CHD9: variants seen among roughly 807,000 people sequenced by gnomAD.
CHD9 encodes the protein ATP-dependent chromatin remodeler CHD9.
CHD9 carries 77 observed loss-of-function variants against 316.1 expected under a neutral mutation model. That is an observed-to-expected ratio of 0.24 (90% confidence interval 0.20 to 0.29). The LOEUF is 0.29. Ranked by LOEUF, CHD9 falls within the 10% of genes least tolerant of loss-of-function variation. The probability of loss-of-function intolerance (pLI) is 1.00; values close to 1 mark genes in which losing one functional copy is unlikely to be tolerated. For synonymous variants in CHD9, 1,129 were observed against 1,158.3 expected, an observed-to-expected ratio of 0.97 and a Z score of 0.51; for missense variants, 2,763 against 3,438.1, an observed-to-expected ratio of 0.80 and a Z score of 4.91.
At chr16:53,064,989 G>A (rs776951821) in intron 1 of CHD9, among the ~76,000 whole-genome samples, 2 of 151,648 alleles carry the variant, frequency 1.3e-5, no homozygotes, top group Non-Finnish European at 2.9e-5. Context: ...AAGAGAGAGA[G>A]AGAGAGAAAG....
intron 1 of CHD9, among the ~76,000 whole-genome samples, chr16:53,148,848 G>T (rs1340293281): frequency 6.6e-6 from 1 of 152,108 alleles, no homozygotes; most frequent in Non-Finnish European, 1.5e-5. Flanking sequence ...TTCCTTAGGG[G>T]TACAATTAGG....
At chr16:53,294,398 T>C (rs2054608257) in intron 29 of CHD9, among the ~76,000 whole-genome samples, 2 of 152,244 alleles carry the variant, frequency 1.3e-5, no homozygotes, top group Admixed American at 1.3e-4. Flanking sequence ...ACTGTTTTTG[T>C]TATCTATTGT....
At chr16:53,148,890 AGTT>A (rs1352907092) in intron 1 of CHD9, among the ~76,000 whole-genome samples, 1 of 152,220 alleles carries the variant, frequency 6.6e-6, no homozygotes, top group Non-Finnish European at 1.5e-5. Flanking sequence ...TTAAAAATGT[AGTT>A]GTTCACAGGT....
In CHD9 at chr16:53,314,864, A is replaced by T. The variant is rs1331474681; in HGVS notation, c.7404A>T (p.Ile2468=). Residue 2468 remains isoleucine, a synonymous_variant, in exon 36 of 39, where the codon ATA becomes ATT. Transcript: ENST00000447540. ...GLTSSQISTG[I]NPALSYTQPQ... ...CCTCCTCACAGATTTCCACAGGGAT[A>T]AATCCAGCACTATCCTATACTCAAC... The T allele has an allele frequency of 1.2e-6, 2 of 1,613,638 alleles. No homozygotes were observed. Among genetic ancestry groups the T allele is most frequent in the East Asian group, 4.5e-5 (2 of 44,864 alleles).
Position 53,267,926 on chromosome 16 carries a change from G to T in CHD9, c.4518-1G>T. 6.2e-7 allele frequency: 1 copy of T among 1,612,916 alleles called. No homozygotes were observed. The highest frequency in any genetic ancestry group is 8.5e-7 in the Non-Finnish European group (1 of 1,179,230). The stretch of plus-strand genomic sequence containing the variant: ...AATGTAACTATACCTTTTTTAACCA[G>T]GTGGGGCCGATGGAGAGAGATTCTA... On this transcript the variant is annotated splice_acceptor_variant, in intron 21 of 38. Transcript: ENST00000447540. LOFTEE classifies it high-confidence loss of function.
At chr16:53,305,431 A>G (rs911953598) in intron 31 of CHD9, among the ~76,000 whole-genome samples, 1 of 152,246 alleles carries the variant, frequency 6.6e-6, no homozygotes, top group East Asian at 1.9e-4. Context: ...AGTTACTGAT[A>G]CAAATTCCCT....
chr16:53,072,595 C>G (rs1007497292), intron 1 of CHD9, among the ~76,000 whole-genome samples: 6 of 151,924 alleles, frequency 3.9e-5, no homozygotes, highest in East Asian at 1.9e-4. Context: ...TGCCTGGTCT[C>G]GAACTCCTGG....
At chr16:53,228,084 CA>C (rs903752891) in intron 7 of CHD9, among the ~76,000 whole-genome samples, 56 of 125,732 alleles carry the variant, frequency 4.5e-4, no homozygotes, top group South Asian at 7.6e-4. Context: ...GACTCCGTCT[CA>C]AAAAAAAAAA....
At chr16:53,096,789 C>T (rs914428417) in intron 1 of CHD9, among the ~76,000 whole-genome samples, 1 of 152,154 alleles carries the variant, frequency 6.6e-6, no homozygotes, top group Non-Finnish European at 1.5e-5. Flanking sequence ...TCAAGGGGTC[C>T]TATCTGGTGA....
intron 29 of CHD9, among the ~76,000 whole-genome samples, chr16:53,293,320 A>T (rs1211670632): frequency 6.6e-6 from 1 of 152,224 alleles, no homozygotes; most frequent in Non-Finnish European, 1.5e-5. Flanking sequence ...GGTATTTAAA[A>T]AAATAAATAA....
chr16:53,156,545 A>C lies in CHD9; in HGVS notation c.456A>C (p.Gln152His), dbSNP rs201595315. Residue 152 changes from glutamine (Q) to histidine (H), a missense_variant, in exon 2 of 39, where the codon CAA becomes CAC. By Grantham distance (24) the Gln-to-His change is conservative. Coordinates refer to ENST00000447540, the MANE Select transcript of CHD9 (RefSeq NM_001308319.2). ...HQQGHSHSMHQNKSFVAHHDF... is the reference protein window; with the variant it reads ...HQQGHSHSMHHNKSFVAHHDF... ...AAGGACATTCACACTCTATGCATCA[A>C]AATAAAAGCTTTGTGGCACACCATG... 5 of 1,613,904 alleles carry C rather than the reference A, an allele frequency of 3.1e-6. No homozygotes were observed. The African/African-American group carries it at 6.7e-5, about 22-fold the overall frequency.
chr16:53,183,656 T>TA (rs2043722564), intron 2 of CHD9, among the ~76,000 whole-genome samples: 1 of 152,130 alleles, frequency 6.6e-6, no homozygotes, highest in Non-Finnish European at 1.5e-5. Flanking sequence ...ACTCATGCCT[T>TA]TAATCCCAAC....
At chr16:53,278,028 G>T (rs772111761) in intron 24 of CHD9, among the ~76,000 whole-genome samples, 12 of 150,678 alleles carry the variant, frequency 8.0e-5, no homozygotes, top group Non-Finnish European at 1.8e-4. Context: ...AAAAAAAAAG[G>T]TACTTAGGAA....
chr16:53,109,692 T>TTTC (rs1270825059), intron 1 of CHD9, among the ~76,000 whole-genome samples: 5 of 63,362 alleles, frequency 7.9e-5, no homozygotes, highest in African/African-American at 1.2e-4. Context: ...TTTTTTTTTT[T>TTTC]TTTTTTTTTT....
intron 1 of CHD9, among the ~76,000 whole-genome samples, chr16:53,056,387 C>A (rs1181360481): frequency 6.6e-6 from 1 of 152,150 alleles, no homozygotes; most frequent in Non-Finnish European, 1.5e-5. Context: ...AAGGGTTCAC[C>A]CTATGCTAGA....
At chr16:53,121,786 C>T (rs2152655788) in intron 1 of CHD9, 1 of 160,232 alleles carries the variant, frequency 6.2e-6, no homozygotes, top group South Asian at 1.8e-4. Flanking sequence ...AAAGAACTTT[C>T]TAGTGATATC....
intron 1 of CHD9, among the ~76,000 whole-genome samples, chr16:53,104,396 T>A (rs1462464303): frequency 1.3e-5 from 2 of 152,318 alleles, no homozygotes; most frequent in South Asian, 2.1e-4. Flanking sequence ...TACTTCTCCT[T>A]CCTTGACAGC....
At chr16:53,074,343 CA>C (rs1336347706) in intron 1 of CHD9, among the ~76,000 whole-genome samples, 1 of 152,134 alleles carries the variant, frequency 6.6e-6, no homozygotes, top group Non-Finnish European at 1.5e-5. Flanking sequence ...TGCAGCCTGA[CA>C]ATGCAATAGA....
chr16:53,313,813 C>T (rs540854494), intron 34 of CHD9, among the ~76,000 whole-genome samples: 169 of 151,568 alleles, frequency 1.1e-3, no homozygotes, highest in Admixed American at 4.2e-3. Flanking sequence ...ATTAGTTGGG[C>T]GTGGTGGTGG....
Sources: allele counts gnomAD v4.1 joint callset (sites outside exome capture counted in the v4.1 genomes callset), GRCh38; gene constraint gnomAD v4.1.1; transcripts MANE v1.5; gene names NCBI Gene and HGNC (gene_info 2026-07-23, HGNC 2026-07-21).